Variants in NDRG2 observed in about 807,000 individuals in gnomAD.
NDRG2 encodes the protein NDRG family member 2.
Under a neutral mutation model 58.2 loss-of-function variants are expected in NDRG2, and 34 were observed. That is an observed-to-expected ratio of 0.58 (90% CI 0.44 to 0.78). NDRG2 has a LOEUF of 0.78. NDRG2 is among the 30% of genes least tolerant of loss of function. NDRG2 has a pLI of 0.00. For synonymous variants in NDRG2, 187 were observed against 175.9 expected, an observed-to-expected ratio of 1.06 and a Z score of -0.50; for missense variants, 434 against 471.2, an observed-to-expected ratio of 0.92 and a Z score of 0.73.
chr14:21,020,720 TA>T, intron 7 of NDRG2, 63 bp downstream of exon 7: 1 of 1,605,236 alleles, frequency 6.2e-7, no homozygotes, highest in Non-Finnish European at 8.5e-7. Context: ...ACAGCACTAA[TA>T]AACAGTATTC....
intron 1 of NDRG2, chr14:21,031,760 AAAGC>A: frequency 9.9e-7 from 1 of 1,006,890 alleles, no homozygotes. Flanking sequence ...GGGCCCTAAG[AAAGC>A]AGCACCCCAT....
intron 1 of NDRG2, among the ~76,000 whole-genome samples, chr14:21,050,224 C>T (rs1173908290): frequency 6.6e-6 from 1 of 152,160 alleles, no homozygotes. Context: ...CACCTGAATG[C>T]TCATATTGTA....
chr14:21,019,249 TG>T, intron 10 of NDRG2, 89 bp from the exon 11 acceptor site: 2 of 1,272,060 alleles, frequency 1.6e-6, no homozygotes, highest in Non-Finnish European at 2.2e-6. Flanking sequence ...GAACTATCTT[TG>T]TCTAAAAATT....
At chr14:21,025,180 C>T (rs943945107), upstream of NDRG2, 4 of 893,002 alleles carry the variant, frequency 4.5e-6, no homozygotes, top group Non-Finnish European at 5.4e-6. The surrounding 1 kb of genome is among the most constrained non-coding windows in gnomAD (Gnocchi z 5.1). Context: ...AGTAAACACG[C>T]CCCCCCTTTC....
At chr14:21,021,230 G>A (rs1232896432) in intron 6 of NDRG2, 2 of 391,386 alleles carry the variant, frequency 5.1e-6, no homozygotes, top group Middle Eastern at 7.3e-4. Context: ...GGAACTTAAA[G>A]CAAATGTGAA....
At position 21,016,895 on chromosome 14, in the gene NDRG2, G is replaced by GCAGCC. The variant is rs771474933; in HGVS notation, c.*696_*700dup. On this transcript the variant is annotated 3_prime_UTR_variant, in exon 16 of 16. Coordinates refer to ENST00000556147, the MANE Select transcript of NDRG2 (RefSeq NM_001320329.2). ...CTTTCCACCCTATGCCAAGCCCCAA[G>GCAGCC]CAGCCCAGCCCAAGCTTAGCTCCCT... 6.6e-5 allele frequency: 30 copies of GCAGCC among 456,440 alleles called. No individual in the cohort carries two copies. The highest frequency in any genetic ancestry group is 4.6e-4 in the South Asian group (30 of 64,558). The allele number at this position is 456,440 out of a possible 1,614,324, so 28.3% of individuals were successfully genotyped here.
At chr14:21,045,106 T>A (rs541996090) in intron 1 of NDRG2, among the ~76,000 whole-genome samples, 1 of 152,316 alleles carries the variant, frequency 6.6e-6, no homozygotes, top group East Asian at 1.9e-4. Flanking sequence ...AATATCCATC[T>A]TTGGAAAACA....
At chr14:21,025,771 G>C (rs1392105166), upstream of NDRG2, 2 of 888,660 alleles carry the variant, frequency 2.3e-6, no homozygotes, top group African/African-American at 1.8e-5. The surrounding 1 kb of genome is among the most constrained non-coding windows in gnomAD (Gnocchi z 5.1). Flanking sequence ...GGAATGCGGG[G>C]GGCCGCTATA....
chr14:21,022,059 T>C lies in NDRG2; in HGVS notation c.344+3A>G. The C allele has an allele frequency of 2.5e-6, 4 of 1,614,108 alleles. No homozygotes were observed. The highest frequency in any genetic ancestry group is 3.4e-6 in the Non-Finnish European group (4 of 1,180,018). ...GGTGAAGCAGTAACGACCTAACTCTTACCCCAAAGGGAACACAGGGGCTCC... is the reference window on the plus strand; with the variant it reads ...GGTGAAGCAGTAACGACCTAACTCTCACCCCAAAGGGAACACAGGGGCTCC... On this transcript the variant is annotated splice_donor_region_variant and intron_variant, in intron 5 of 15. Coordinates refer to ENST00000556147, the MANE Select transcript of NDRG2 (RefSeq NM_001320329.2).
chr14:21,070,314 A>C lies in NDRG2; in HGVS notation c.24+514T>G. ...AGCTGTCCCTTAGCCAGACCCGGCGAGACACGAGCGGCGGGAGGGAGGCGG... is the reference window on the plus strand; with the variant it reads ...AGCTGTCCCTTAGCCAGACCCGGCGCGACACGAGCGGCGGGAGGGAGGCGG... On this transcript the variant is annotated intron_variant, in intron 1 of 14. Transcript: ENST00000403829. This position sits in a 1 kb window ranked among gnomAD's most constrained non-coding sequence, Gnocchi z 4.7. The C allele has an allele frequency of 1.5e-6, 2 of 1,374,862 alleles. No individual in the cohort carries two copies. Among genetic ancestry groups the C allele is most frequent in the Non-Finnish European group, 1.9e-6 (2 of 1,063,722 alleles). The allele number at this position is 1,374,862 out of a possible 1,614,324, so 85.2% of individuals were successfully genotyped here.
chr14:21,062,291 T>G (rs554384103), intron 1 of NDRG2, among the ~76,000 whole-genome samples: 57 of 152,236 alleles, frequency 3.7e-4, no homozygotes, highest in African/African-American at 1.3e-3. Context: ...TATTTTCCGG[T>G]GTTAATATGT....
chr14:21,067,761 T>TACACACAC (rs3061993), intron 1 of NDRG2, among the ~76,000 whole-genome samples: 205 of 150,122 alleles, frequency 1.4e-3, no homozygotes, highest in African/African-American at 3.5e-3. Context: ...TGTACACACG[T>TACACACAC]ACACACACAC....
chr14:21,030,370 A>G (rs191737878), upstream of NDRG2: 99 of 576,296 alleles, frequency 1.7e-4, 1 homozygote, highest in African/African-American at 1.3e-3. Flanking sequence ...GGTATCTCCA[A>G]TGCTGGGAAT....
intron 1 of NDRG2, chr14:21,058,046 T>G: frequency 6.2e-7 from 1 of 1,614,086 alleles, no homozygotes; most frequent in Non-Finnish European, 8.5e-7. Context: ...AGCATGCAAC[T>G]CAGCCATGAG....
At chr14:21,030,906 T>C in intron 1 of NDRG2, 1 of 1,520,208 alleles carries the variant, frequency 6.6e-7, no homozygotes, top group Non-Finnish European at 8.9e-7. Flanking sequence ...AGACACTCAC[T>C]GATTGATAGG....
intron 1 of NDRG2, among the ~76,000 whole-genome samples, chr14:21,049,057 C>T (rs1056245964): frequency 1.3e-5 from 2 of 152,138 alleles, no homozygotes; most frequent in African/African-American, 2.4e-5. Context: ...ATTTATGAAT[C>T]CAAAGATATG....
At position 21,053,350 on chromosome 14, in the gene NDRG2, G is replaced by A. The variant is rs760619817; in HGVS notation, c.24+17478C>T. Among the ~76,000 whole-genome samples the A allele has an allele frequency of 3.9e-5, 6 of 152,234 alleles. 1 individual carries two copies. Among genetic ancestry groups the A allele is most frequent in the Non-Finnish European group, 4.4e-5 (3 of 68,016 alleles). On this transcript the variant is annotated intron_variant, in intron 1 of 14. Coordinates refer to the NDRG2 transcript ENST00000403829. ...TAGAAAAATTAGCCGCACTTTGGCC[G>A]GGCGCAGTGGCTGACACCTGTCATC...
intron 1 of NDRG2, chr14:21,035,721 C>T (rs996219290): frequency 2.2e-6 from 1 of 454,042 alleles, no homozygotes; most frequent in African/African-American, 2.0e-5. Context: ...CACTTTCTGA[C>T]AGCACAAACC....
In NDRG2 at chr14:21,017,657, CT is replaced by C; in HGVS notation, c.1054del (p.Ser352AlafsTer27). The C allele has an allele frequency of 6.2e-7, 1 of 1,613,196 alleles. No homozygotes were observed. The highest frequency in any genetic ancestry group is 8.5e-7 in the Non-Finnish European group (1 of 1,179,616). On this transcript the variant is annotated frameshift_variant, in exon 16 of 16. Transcript: ENST00000556147. LOFTEE classifies it high-confidence loss of function. ...CGAAGAAAGAGTTCCAGACTCGCTG[CT>C]CTGGGACAGGGTGCGAGAGCGGGAC... The part of the protein sequence containing the change: ...NRSRSRTLSQ[S>X]SESGTLSSGP...
Sources: allele counts gnomAD v4.1 joint callset (sites outside exome capture counted in the v4.1 genomes callset), GRCh38; gene constraint gnomAD v4.1.1; non-coding constraint Gnocchi (gnomAD v3.1); transcripts MANE v1.5; gene names NCBI Gene and HGNC (gene_info 2026-07-23, HGNC 2026-07-21).